The following CNTNAP2 variants were observed in gnomAD, a reference collection of about 807,000 sequenced individuals.
CNTNAP2 encodes the protein contactin associated protein 2.
Under a neutral mutation model 155.2 loss-of-function variants are expected in CNTNAP2, and 98 were observed. That is an observed-to-expected ratio of 0.63 (90% CI 0.54 to 0.75). CNTNAP2 has a LOEUF of 0.75. CNTNAP2 is among the 30% of genes least tolerant of loss of function. CNTNAP2 has a pLI of 0.00. For missense variants in CNTNAP2, 1,727 were observed against 1,688.1 expected, an observed-to-expected ratio of 1.02 and a Z score of -0.40; for synonymous variants, 651 against 631.2, an observed-to-expected ratio of 1.03 and a Z score of -0.47.
intron 1 of CNTNAP2, among the ~76,000 whole-genome samples, chr7:146,466,099 A>T (rs1016880700): frequency 6.6e-6 from 1 of 152,168 alleles, no homozygotes; most frequent in Non-Finnish European, 1.5e-5. Flanking sequence ...GAGGGAAATG[A>T]TGATGTAAAC....
chr7:147,282,771 T>A (rs1235694368), intron 8 of CNTNAP2, among the ~76,000 whole-genome samples: 1 of 151,840 alleles, frequency 6.6e-6, no homozygotes. Flanking sequence ...ATTATTTATA[T>A]GTAGAGAAAG....
intron 22 of CNTNAP2, among the ~76,000 whole-genome samples, chr7:148,393,312 A>ATTATGTTAT (rs915885745): frequency 2.0e-5 from 3 of 152,072 alleles, no homozygotes; most frequent in African/African-American, 7.2e-5. Flanking sequence ...CAGTCTTTTT[A>ATTATGTTAT]TTATGTTATT....
intron 20 of CNTNAP2, among the ~76,000 whole-genome samples, chr7:148,255,853 T>C (rs1796445584): frequency 6.6e-6 from 1 of 152,248 alleles, no homozygotes. Flanking sequence ...TAAGCATTTC[T>C]GGGAAACTGC....
chr7:148,004,945 A>G (rs1410991905), intron 15 of CNTNAP2, among the ~76,000 whole-genome samples: 2 of 152,164 alleles, frequency 1.3e-5, no homozygotes, highest in African/African-American at 4.8e-5. Flanking sequence ...TGCAAAGTAA[A>G]TCAAGGTGCT....
At chr7:146,970,889 T>G (rs909962431) in intron 3 of CNTNAP2, among the ~76,000 whole-genome samples, 4 of 151,924 alleles carry the variant, frequency 2.6e-5, no homozygotes, top group Admixed American at 1.3e-4. Flanking sequence ...CCATAAAAAA[T>G]GATGCGTTCA....
chr7:147,802,512 G>A (rs1193682327), intron 13 of CNTNAP2, among the ~76,000 whole-genome samples: 10 of 152,310 alleles, frequency 6.6e-5, no homozygotes, highest in South Asian at 2.1e-4. Context: ...ACCAGACTCC[G>A]TCTGCAATCC....
intron 3 of CNTNAP2, among the ~76,000 whole-genome samples, chr7:147,015,535 C>A (rs1325000596): frequency 3.3e-5 from 5 of 151,960 alleles, no homozygotes; most frequent in Non-Finnish European, 5.9e-5. Context: ...ATAATATAAT[C>A]CCATGGCTTA....
At chr7:146,843,309 GC>G (rs149560558) in intron 3 of CNTNAP2, among the ~76,000 whole-genome samples, 3,544 of 147,838 alleles carry the variant, frequency 0.024, 165 homozygotes, top group African/African-American at 0.086. Context: ...ACCGCGCCCG[GC>G]CCTGTCCCAC....
At chr7:146,261,039 C>T (rs1179757427) in intron 1 of CNTNAP2, among the ~76,000 whole-genome samples, 2 of 151,908 alleles carry the variant, frequency 1.3e-5, no homozygotes, top group Admixed American at 1.3e-4. Flanking sequence ...TGAAGGAGTT[C>T]TCACAGGATA....
At chr7:146,479,889 A>T (rs1415528150) in intron 1 of CNTNAP2, among the ~76,000 whole-genome samples, 1 of 152,078 alleles carries the variant, frequency 6.6e-6, no homozygotes, top group Non-Finnish European at 1.5e-5. Flanking sequence ...TGTTCAAACG[A>T]TTCTTCTGCC....
intron 13 of CNTNAP2, among the ~76,000 whole-genome samples, chr7:147,684,256 T>C (rs1399236831): frequency 6.6e-6 from 1 of 151,834 alleles, no homozygotes; most frequent in Non-Finnish European, 1.5e-5. Context: ...GCGTGTGTGT[T>C]TTTAATGTGG....
intron 12 of CNTNAP2, among the ~76,000 whole-genome samples, chr7:147,572,372 G>T (rs1468183506): frequency 1.3e-5 from 2 of 149,496 alleles, no homozygotes; most frequent in Non-Finnish European, 2.9e-5. Flanking sequence ...CCCAGAAAGG[G>T]GGTACAAGAC....
At position 146,774,361 on chromosome 7, in the gene CNTNAP2, C is replaced by A. The variant is rs1286172885; in HGVS notation, c.188C>A (p.Ala63Asp). ...TCTGGTAGCTATTCTCCCGGCTATGCCAAGATAAACAAGAGAGGAGGTAAG... is the reference window on the plus strand; with the variant it reads ...TCTGGTAGCTATTCTCCCGGCTATGACAAGATAAACAAGAGAGGAGGTAAG... ...SISGSYSPGY[A>D]KINKRGGAGG... The change falls in exon 2 of 24, where the codon GCC becomes GAC. Residue 63 changes from alanine to aspartate, a missense_variant. Transcript: ENST00000361727. 6.2e-7 allele frequency: 1 copy of A among 1,613,644 alleles called. No homozygotes were observed. Among genetic ancestry groups the A allele is most frequent in the East Asian group, 2.2e-5 (1 of 44,848 alleles).
At chr7:147,332,232 G>A (rs1795583210) in intron 9 of CNTNAP2, among the ~76,000 whole-genome samples, 1 of 152,054 alleles carries the variant, frequency 6.6e-6, no homozygotes, top group Non-Finnish European at 1.5e-5. Flanking sequence ...TATGTACTAT[G>A]ATGCGCTCTA....
intron 1 of CNTNAP2, among the ~76,000 whole-genome samples, chr7:146,765,546 G>A (rs751112837): frequency 7.9e-5 from 12 of 152,166 alleles, no homozygotes; most frequent in Admixed American, 2.0e-4. Flanking sequence ...GCAAGGTTGT[G>A]TTATGCTGCA....
At chr7:146,362,741 A>C (rs1229056311) in intron 1 of CNTNAP2, among the ~76,000 whole-genome samples, 1 of 151,322 alleles carries the variant, frequency 6.6e-6, no homozygotes, top group Non-Finnish European at 1.5e-5. Context: ...CAAAAATAGC[A>C]ATGATATTAA....
At chr7:146,963,292 C>G (rs2129231020) in intron 3 of CNTNAP2, 1 of 152,292 alleles carries the variant, frequency 6.6e-6, no homozygotes, top group Non-Finnish European at 1.5e-5. Flanking sequence ...ATCCTACCTT[C>G]AATTTTACTT....
At chr7:147,834,375 C>T (rs1201925720) in intron 13 of CNTNAP2, among the ~76,000 whole-genome samples, 1 of 152,140 alleles carries the variant, frequency 6.6e-6, no homozygotes, top group East Asian at 1.9e-4. Context: ...AGGACTATTG[C>T]TCTTTTGTAC....
chr7:147,360,777 A>AC (rs1796135715), intron 9 of CNTNAP2, among the ~76,000 whole-genome samples: 1 of 151,886 alleles, frequency 6.6e-6, no homozygotes, highest in Non-Finnish European at 1.5e-5. Context: ...AGCCATTTCG[A>AC]CCCCCCACCT....
Sources: gnomAD v4.1 joint callset for allele counts (sites outside exome capture counted in the v4.1 genomes callset) on GRCh38, gnomAD v4.1.1 for gene constraint, MANE v1.5 for transcripts, NCBI Gene and HGNC (gene_info 2026-07-23, HGNC 2026-07-21) for gene names.